Variants in NDUFA9 observed in about 807,000 individuals in gnomAD.
NDUFA9 encodes NADH:ubiquinone oxidoreductase subunit A9, also known as NADH dehydrogenase [ubiquinone] 1 alpha subcomplex subunit 9, mitochondrial.
Under a neutral mutation model 45.9 loss-of-function variants are expected in NDUFA9, and 23 were observed. The ratio of observed to expected loss-of-function variants is 0.50; its 90% confidence interval spans 0.36 to 0.71. The LOEUF (loss-of-function observed/expected upper bound fraction) is 0.71, where lower values mean the gene tolerates loss of function less well. Among genes scored for constraint, NDUFA9 ranks in the 30% least tolerant of loss-of-function variants. NDUFA9 has a pLI of 0.00. For missense variants in NDUFA9, 466 were observed against 488.2 expected (o/e 0.95, Z 0.43); for synonymous variants, 176 against 170.5 (o/e 1.03, Z -0.25).
chr12:4,652,226 T>C (rs1034956883), intron 1 of NDUFA9, among the ~76,000 whole-genome samples: 3 of 152,170 alleles, frequency 2.0e-5, no homozygotes, highest in African/African-American at 7.2e-5. Context: ...TCTTATCCTC[T>C]CTCAACTATT....
At chr12:4,655,019 C>A in intron 3 of NDUFA9, 97 bp downstream of exon 3, 1 of 964,026 alleles carries the variant, frequency 1.0e-6, no homozygotes, top group Non-Finnish European at 1.5e-6. Flanking sequence ...AATTTCTTCC[C>A]AGAATGGACC....
rs1565574891 is a variant in NDUFA9 at position 4,690,474 on chromosome 12, G to A, written c.*3366G>A. The A allele has an allele frequency of 6.6e-6, 1 of 152,210 alleles. No homozygotes were observed. The highest frequency in any genetic ancestry group is 2.4e-5 in the African/African-American group (1 of 41,420). 9.4% of individuals were successfully genotyped at this position (152,210 alleles called of 1,614,324 possible). A position where few individuals can be genotyped will look rare whatever the true frequency, so the allele number is the denominator to read the frequency against. ...AATCCCAGCACTTTGGGAGGCTGAT[G>A]GGGGTGGATCATGAGGTTAGGAGTT... On this transcript the variant is annotated 3_prime_UTR_variant, in exon 11 of 11. Coordinates refer to ENST00000266544, the MANE Select transcript of NDUFA9 (RefSeq NM_005002.5).
chr12:4,688,424 A>G lies in NDUFA9; in HGVS notation c.*1316A>G, dbSNP rs1369739273. 1 of 151,090 alleles carries G rather than the reference A, an allele frequency of 6.6e-6. No homozygotes were observed. Among genetic ancestry groups the G allele is most frequent in the African/African-American group, 2.4e-5 (1 of 41,016 alleles). 9.4% of individuals were successfully genotyped at this position (151,090 alleles called of 1,614,324 possible). ...TGCTTGAGCCTGGGAGTTCAAGGTT[A>G]CAGTGAGCTATGATAGTGCCACTGC... On this transcript the variant is annotated 3_prime_UTR_variant, in exon 11 of 11. Coordinates refer to ENST00000266544, the MANE Select transcript of NDUFA9 (RefSeq NM_005002.5).
At chr12:4,678,436 A>G (rs1163858639) in intron 8 of NDUFA9, among the ~76,000 whole-genome samples, 1 of 152,158 alleles carries the variant, frequency 6.6e-6, no homozygotes, top group Non-Finnish European at 1.5e-5. Context: ...ATAAAATAAA[A>G]AATAAATGGA....
rs1367052426 is a variant in NDUFA9 at position 4,687,107 on chromosome 12, A to T, written c.1133A>T (p.Ter378LeuextTer27). ...AAGCCGGCCAAGACCGTCAACATTT[A>T]GTGCCTCCTGAGCAGCTCTTGGTTT... ...DVKPAKTVNI[*>L] is the part of the protein sequence containing the mutation. Residue 378 changes from the stop codon to leucine (L), a stop_lost, in exon 11 of 11, where the codon TAG becomes TTG. Coordinates refer to ENST00000266544, the MANE Select transcript of NDUFA9 (RefSeq NM_005002.5). 1 of 1,614,150 alleles carries T rather than the reference A, an allele frequency of 6.2e-7. No homozygotes were observed. The highest frequency in any genetic ancestry group is 1.7e-5 in the Admixed American group (1 of 60,026).
rs570816737 is a variant in NDUFA9 at position 4,664,878 on chromosome 12, G to T, written c.655+2243G>T. On this transcript the variant is annotated intron_variant, in intron 6 of 10. Transcript: ENST00000266544. Reference sequence around the variant, plus strand: ...AATAGAATTTACCTTGCTAAGTTTTGGACTTACTTGGGAGTTGTTACCCTT... The same window carrying T: ...AATAGAATTTACCTTGCTAAGTTTTTGACTTACTTGGGAGTTGTTACCCTT... Among the ~76,000 whole-genome samples, 93 of 152,244 alleles carry T rather than the reference G, an allele frequency of 6.1e-4. 1 individual carries two copies. The highest frequency in any genetic ancestry group is 3.4e-3 in the Middle Eastern group (1 of 294).
chr12:4,667,671 C>T (rs1315905138), intron 6 of NDUFA9: 2 of 158,990 alleles, frequency 1.3e-5, no homozygotes, highest in East Asian at 3.8e-4. Context: ...GCCACCACGC[C>T]CAGCTAATTT....
At position 4,679,318 on chromosome 12, in the gene NDUFA9, G is replaced by A. The variant is rs187848261; in HGVS notation, c.801-2887G>A. Among the ~76,000 whole-genome samples, 1,103 of 152,236 alleles carry A rather than the reference G, an allele frequency of 7.2e-3. 8 individuals are homozygous for A. The highest frequency in any genetic ancestry group is 0.017 in the Middle Eastern group (5 of 294). On this transcript the variant is annotated intron_variant, in intron 8 of 10. Coordinates refer to ENST00000266544, the MANE Select transcript of NDUFA9 (RefSeq NM_005002.5). ...GAAAAATATTCTAAAACTGGATTATGGTAATGATTGTACAACTTGGTAAAT... is the reference window on the plus strand; with the variant it reads ...GAAAAATATTCTAAAACTGGATTATAGTAATGATTGTACAACTTGGTAAAT...
intron 6 of NDUFA9, among the ~76,000 whole-genome samples, chr12:4,666,134 A>G (rs1310740338): frequency 6.6e-6 from 1 of 152,152 alleles, no homozygotes; most frequent in Admixed American, 6.5e-5. Context: ...TGTTTTCCTA[A>G]TGATTAGTGA....
At chr12:4,662,763 C>G in intron 6 of NDUFA9, 128 bp downstream of exon 6, 1 of 638,342 alleles carries the variant, frequency 1.6e-6, no homozygotes, top group Non-Finnish European at 2.7e-6. Flanking sequence ...GCCTTTTCCT[C>G]CCCTAAGTTT....
chr12:4,692,519 G>T lies in NDUFA9; in HGVS notation c.*5411G>T, dbSNP rs1233308697. Reference sequence around the variant, plus strand: ...TTTCTTTATACATTACCTAGACTCAGATATTTCTTTATAGCAATACAAGAA... The same window carrying T: ...TTTCTTTATACATTACCTAGACTCATATATTTCTTTATAGCAATACAAGAA... On this transcript the variant is annotated 3_prime_UTR_variant, in exon 11 of 11. Coordinates refer to ENST00000266544, the MANE Select transcript of NDUFA9 (RefSeq NM_005002.5). The T allele has an allele frequency of 6.6e-6, 1 of 152,148 alleles. No individual in the cohort carries two copies. Among genetic ancestry groups the T allele is most frequent in the Admixed American group, 6.5e-5 (1 of 15,278 alleles). The allele number at this position is 152,148 out of a possible 1,614,324, so 9.4% of individuals were successfully genotyped here.
At position 4,649,220 on chromosome 12, in the gene NDUFA9, C is replaced by T. The variant is rs1413195255; in HGVS notation, c.49+45C>T. 5 of 1,575,528 alleles carry T rather than the reference C, an allele frequency of 3.2e-6. No homozygotes were observed. The East Asian group carries it at 1.2e-4, about 36-fold the overall frequency. ...GCGGCCCCTGGTCGGGATTCCGAGA[C>T]GGGGATTTAAGGTTTTGGAAGTGGC... On this transcript the variant is annotated intron_variant, in intron 1 of 10. Transcript: ENST00000266544.
At position 4,654,452 on chromosome 12, in the gene NDUFA9, C is replaced by T; in HGVS notation, c.210C>T (p.Val70=). 1 of 1,614,046 alleles carries T rather than the reference C, an allele frequency of 6.2e-7. No homozygotes were observed. The highest frequency in any genetic ancestry group is 1.1e-5 in the South Asian group (1 of 91,068). ...CAGGATTCCTGGGGCGATATGTTGT[C>T]AACCACCTTGGTAAGTAAAGTTCCT... ...GATGFLGRYV[V]NHLGRMGSQV... The change falls in exon 2 of 11, where the codon GTC becomes GTT. Residue 70 remains valine (V), a synonymous_variant. Transcript: ENST00000266544.
At position 4,658,985 on chromosome 12, in the gene NDUFA9, A is replaced by G. The variant is rs765915277; in HGVS notation, c.411-51A>G. 2.4e-5 allele frequency: 37 copies of G among 1,533,482 alleles called. No homozygotes were observed. The Middle Eastern group carries it at 1.1e-3, about 47-fold the overall frequency. The allele number at this position is 1,533,482 out of a possible 1,614,324, so 95.0% of individuals were successfully genotyped here. A position where few individuals can be genotyped will look rare whatever the true frequency, so the allele number is the denominator to read the frequency against. ...AACCATCTTATCACGTAAAGCTTTG[A>G]GATCCTGTGTGTGGAGTTCTTAACC... On this transcript the variant is annotated intron_variant, in intron 4 of 10. Transcript: ENST00000266544.
intron 8 of NDUFA9, among the ~76,000 whole-genome samples, chr12:4,671,554 C>G (rs1425767754): frequency 2.6e-5 from 4 of 152,054 alleles, no homozygotes. Flanking sequence ...CAACTTAATT[C>G]TATCGAAATT....
At chr12:4,676,894 CA>C (rs1485666640) in intron 8 of NDUFA9, among the ~76,000 whole-genome samples, 1 of 152,206 alleles carries the variant, frequency 6.6e-6, no homozygotes, top group Non-Finnish European at 1.5e-5. Flanking sequence ...TACCTGACTT[CA>C]AACTATACTA....
intron 3 of NDUFA9, 80 bp downstream of exon 3, chr12:4,655,002 A>G: frequency 8.4e-7 from 1 of 1,184,608 alleles, no homozygotes; most frequent in South Asian, 1.4e-5. Flanking sequence ...CAGTATAATA[A>G]AGCAGTAATT....
chr12:4,670,183 T>C (rs1250519603), intron 8 of NDUFA9, among the ~76,000 whole-genome samples: 1 of 152,130 alleles, frequency 6.6e-6, no homozygotes, highest in Non-Finnish European at 1.5e-5. Flanking sequence ...TTTGATGGAG[T>C]ATCACAATGC....
At chr12:4,661,740 A>G (rs1945824265) in intron 5 of NDUFA9, among the ~76,000 whole-genome samples, 1 of 99,928 alleles carries the variant, frequency 1.0e-5, no homozygotes, top group Non-Finnish European at 2.4e-5. Context: ...AGAAACAGGT[A>G]TCCCAGGAGC....
Sources: gnomAD v4.1 joint callset for allele counts (sites outside exome capture counted in the v4.1 genomes callset) on GRCh38, gnomAD v4.1.1 for gene constraint, MANE v1.5 for transcripts, NCBI Gene and HGNC (gene_info 2026-07-23, HGNC 2026-07-21) for gene names.